CBLN2: variants seen among roughly 807,000 people sequenced by gnomAD.
CBLN2 encodes cerebellin 2 precursor.
In CBLN2, 7 loss-of-function variants were observed where a neutral mutation model predicts 15.0. That is an observed-to-expected ratio of 0.47 (90% CI 0.27 to 0.88). CBLN2 has a LOEUF of 0.88. Among genes scored for constraint, CBLN2 ranks in the 40% least tolerant of loss-of-function variants. CBLN2 has a pLI of 0.14. For missense variants in CBLN2, 242 were observed against 304.5 expected (o/e 0.79, Z 1.53); for synonymous variants, 149 against 135.2 (o/e 1.10, Z -0.71).
intron 1 of CBLN2, among the ~76,000 whole-genome samples, chr18:72,635,376 T>C (rs1175594788): frequency 6.6e-6 from 1 of 152,160 alleles, no homozygotes; most frequent in Non-Finnish European, 1.5e-5. Flanking sequence ...TCTTATATTC[T>C]ACAGGATGGA....
At position 72,590,773 on chromosome 18, in the gene CBLN2, T is replaced by C. The variant is rs77416875; in HGVS notation, c.15+47552A>G. 5.4e-3 allele frequency among the ~76,000 whole-genome samples: 827 copies of C among 152,314 alleles called. 5 individuals are homozygous for C. Among genetic ancestry groups the C allele is most frequent in the African/African-American group, 0.017 (715 of 41,572 alleles). On this transcript the variant is annotated intron_variant, in intron 1 of 2. Coordinates refer to the CBLN2 transcript ENST00000581073. ...TGATTCCTTCAGGTGAATAGTGATGTCTAAGTCCCATCCTTCTCATTACTA... is the reference window on the plus strand; with the variant it reads ...TGATTCCTTCAGGTGAATAGTGATGCCTAAGTCCCATCCTTCTCATTACTA...
intron 1 of CBLN2, among the ~76,000 whole-genome samples, chr18:72,627,077 T>C (rs1333405797): frequency 6.6e-6 from 1 of 152,202 alleles, no homozygotes; most frequent in African/African-American, 2.4e-5. Flanking sequence ...TTTTTACTGT[T>C]GTGTGATATT....
At chr18:72,613,322 A>C (rs2144956819) in intron 1 of CBLN2, among the ~76,000 whole-genome samples, 2 of 152,322 alleles carry the variant, frequency 1.3e-5, no homozygotes, top group Admixed American at 1.3e-4. Context: ...TATAGTGCCC[A>C]GACCAGTGGG....
At chr18:72,637,249 C>T (rs1057185926) in intron 1 of CBLN2, among the ~76,000 whole-genome samples, 6 of 148,690 alleles carry the variant, frequency 4.0e-5, no homozygotes, top group Non-Finnish European at 8.9e-5. Context: ...TTGCAGACAG[C>T]TCAAAGTTGG....
rs896318246 is a variant in CBLN2, at chr18:72,602,029, T to G, written c.15+36296A>C. Among the ~76,000 whole-genome samples, 24 of 152,312 alleles carry G rather than the reference T, an allele frequency of 1.6e-4. 1 individual carries two copies. The highest frequency in any genetic ancestry group is 1.0e-3 in the Admixed American group (16 of 15,296). ...CCGAAGCCTGGAGGGCCTGTGGCCC[T>G]GCTCTAGCCCCTGCTGAGCCACATC... On this transcript the variant is annotated intron_variant, in intron 1 of 2. Transcript: ENST00000581073.
rs1321711740 is a variant in CBLN2, at chr18:72,544,166, A to AAAG, written c.-404_-402dup. 2 of 151,950 alleles carry AAAG rather than the reference A, an allele frequency of 1.3e-5. No individual in the cohort carries two copies. The highest frequency in any genetic ancestry group is 2.9e-5 in the Non-Finnish European group (2 of 67,972). 9.4% of individuals were successfully genotyped at this position (151,950 alleles called of 1,614,324 possible). The stretch of plus-strand genomic sequence containing the variant: ...AAAAACAATAAGTTAAAAAAAAAAA[A>AAAG]AAGAAGAAGAAGACTGGGATGGCTG... On this transcript the variant is annotated 5_prime_UTR_variant, in exon 1 of 5. Transcript: ENST00000269503.
chr18:72,557,160 T>C (rs1318741626), intron 1 of CBLN2, among the ~76,000 whole-genome samples: 2 of 152,112 alleles, frequency 1.3e-5, no homozygotes, highest in African/African-American at 2.4e-5. Flanking sequence ...GTATATGCTA[T>C]TTAATTTGCT....
intron 1 of CBLN2, among the ~76,000 whole-genome samples, chr18:72,598,584 C>T (rs1467567266): frequency 1.3e-5 from 2 of 152,184 alleles, no homozygotes; most frequent in African/African-American, 2.4e-5. Flanking sequence ...CCACATGCCC[C>T]CCAAATCCAC....
chr18:72,637,286 A>G (rs1178809643), intron 1 of CBLN2, among the ~76,000 whole-genome samples: 1 of 152,060 alleles, frequency 6.6e-6, no homozygotes, highest in Non-Finnish European at 1.5e-5. Context: ...ACAAGCAAAA[A>G]AAAAAAATGG....
chr18:72,627,315 G>A (rs1220417574), intron 1 of CBLN2, among the ~76,000 whole-genome samples: 1 of 152,156 alleles, frequency 6.6e-6, no homozygotes, highest in Non-Finnish European at 1.5e-5. Flanking sequence ...TATGTTATTC[G>A]AGGAGTTTCT....
upstream of CBLN2, among the ~76,000 whole-genome samples, chr18:72,546,097 G>A (rs984975721): frequency 3.3e-5 from 5 of 152,156 alleles, no homozygotes; most frequent in African/African-American, 9.7e-5. Flanking sequence ...AATTGACAGA[G>A]AAGCAGATTA....
At chr18:72,560,087 T>G (rs914786292) in intron 1 of CBLN2, among the ~76,000 whole-genome samples, 1 of 152,184 alleles carries the variant, frequency 6.6e-6, no homozygotes, top group Non-Finnish European at 1.5e-5. Flanking sequence ...GCTCCCAATT[T>G]TTCACTGTTT....
intron 3 of CBLN2, 21 bp downstream of exon 3, chr18:72,541,783 G>T (rs1463441443): frequency 1.3e-6 from 2 of 1,510,822 alleles, no homozygotes; most frequent in Admixed American, 2.0e-5. Flanking sequence ...TGGGGGCGGG[G>T]TGGGCAGGCC....
At chr18:72,631,509 C>A (rs2069776401) in intron 1 of CBLN2, among the ~76,000 whole-genome samples, 1 of 151,926 alleles carries the variant, frequency 6.6e-6, no homozygotes, top group African/African-American at 2.4e-5. Flanking sequence ...GTTCCAAATC[C>A]ACAAAGCACT....
chr18:72,601,074 C>T (rs909606359), intron 1 of CBLN2, among the ~76,000 whole-genome samples: 8 of 152,192 alleles, frequency 5.3e-5, no homozygotes, highest in African/African-American at 1.7e-4. Flanking sequence ...TTAACTATGC[C>T]TATATCTTAA....
chr18:72,631,212 A>G (rs1213785570), intron 1 of CBLN2: 1 of 152,118 alleles, frequency 6.6e-6, no homozygotes, highest in Non-Finnish European at 1.5e-5. Flanking sequence ...AGCAATCTAT[A>G]CTGGCCTTCT....
At chr18:72,550,932 G>A (rs866708574) in intron 1 of CBLN2, among the ~76,000 whole-genome samples, 20 of 152,086 alleles carry the variant, frequency 1.3e-4, no homozygotes, top group Middle Eastern at 3.4e-3. Context: ...GGTACCTCAC[G>A]TTGTTTGCAG....
rs910650951 is a variant in CBLN2, at chr18:72,550,829, C to T, written c.16-12057G>A. Among the ~76,000 whole-genome samples, 3 of 151,836 alleles carry T rather than the reference C, an allele frequency of 2.0e-5. No individual in the cohort carries two copies. In the East Asian group the frequency reaches 5.8e-4, roughly 29 times the overall value. ...ATTTGAGATGTTCTGCACAGAATAGCTTTTAAATGATAGACTAATACTAAC... is the reference window on the plus strand; with the variant it reads ...ATTTGAGATGTTCTGCACAGAATAGTTTTTAAATGATAGACTAATACTAAC... On this transcript the variant is annotated intron_variant, in intron 1 of 2. Transcript: ENST00000581073.
At chr18:72,608,675 T>C (rs1273349661) in intron 1 of CBLN2, among the ~76,000 whole-genome samples, 2 of 152,210 alleles carry the variant, frequency 1.3e-5, no homozygotes, top group Non-Finnish European at 2.9e-5. Flanking sequence ...TGGGAAGTGA[T>C]TGTGAGAAAG....
Sources: gnomAD v4.1 joint callset for allele counts (sites outside exome capture counted in the v4.1 genomes callset) on GRCh38, gnomAD v4.1.1 for gene constraint, MANE v1.5 for transcripts, NCBI Gene and HGNC (gene_info 2026-07-23, HGNC 2026-07-21) for gene names.